The following TRPM1 variants were observed in gnomAD, a reference collection of about 807,000 sequenced individuals.
The protein encoded by TRPM1 is TRPM1-203 APA Isoform, Intron 10.
TRPM1 carries 113 observed loss-of-function variants against 149.4 expected under a neutral mutation model. The ratio of observed to expected loss-of-function variants is 0.76; its 90% confidence interval spans 0.65 to 0.88. The LOEUF (loss-of-function observed/expected upper bound fraction) is 0.88, where lower values mean the gene tolerates loss of function less well. Among genes scored for constraint, TRPM1 ranks in the 40% least tolerant of loss-of-function variants. TRPM1 has a pLI of 0.00. For synonymous variants in TRPM1, 741 were observed against 759.5 expected (o/e 0.98, Z 0.40); for missense variants, 1,976 against 2,038.7 (o/e 0.97, Z 0.59).
chr15:31,067,610 G>A (rs1448096405), intron 5 of TRPM1, among the ~76,000 whole-genome samples: 1 of 152,160 alleles, frequency 6.6e-6, no homozygotes, highest in African/African-American at 2.4e-5. Flanking sequence ...GATGATGCTT[G>A]TACAGGGCTC....
chr15:31,034,793 C>A (rs558204543), intron 21 of TRPM1, among the ~76,000 whole-genome samples: 1 of 152,218 alleles, frequency 6.6e-6, no homozygotes, highest in Non-Finnish European at 1.5e-5. Context: ...TGCCCAGTTG[C>A]GGTAATTGGT....
intron 1 of TRPM1, among the ~76,000 whole-genome samples, chr15:31,111,504 T>C (rs1033334520): frequency 6.6e-6 from 1 of 152,222 alleles, no homozygotes; most frequent in African/African-American, 2.4e-5. Flanking sequence ...AGAAGAAATG[T>C]GGGCAGGAAT....
intron 4 of TRPM1, chr15:31,069,504 C>T (rs556864040): frequency 6.4e-6 from 7 of 1,099,564 alleles, no homozygotes; most frequent in African/African-American, 1.6e-5. Flanking sequence ...TGAGCTGGAA[C>T]GGATCACAGA....
chr15:31,092,563 C>T (rs2035268050), intron 1 of TRPM1, among the ~76,000 whole-genome samples: 1 of 152,200 alleles, frequency 6.6e-6, no homozygotes, highest in African/African-American at 2.4e-5. Flanking sequence ...TTTGAGCCTT[C>T]CCCTTTCAGG....
rs1167547225 is a variant in TRPM1, at chr15:31,072,002, TATATATATATATATATAG to T, written c.84-1794_84-1777del. 1.1e-3 allele frequency among the ~76,000 whole-genome samples: 72 copies of T among 67,946 alleles called. 1 individual carries two copies. Among genetic ancestry groups the T allele is most frequent in the East Asian group, 2.8e-3 (5 of 1,792 alleles). 44.6% of individuals were successfully genotyped at this position (67,946 alleles called of 152,430 possible). ...AAACATATATATATATATATATATA[TATATATATATATATATAG>T]AGAGAGAGAGAGAGAGAGAGAGAGA... On this transcript the variant is annotated intron_variant, in intron 3 of 27. Coordinates refer to ENST00000256552, the MANE Select transcript of TRPM1 (RefSeq NM_001252024.2).
At chr15:31,088,329 C>T (rs1422254635) in intron 1 of TRPM1, among the ~76,000 whole-genome samples, 2 of 152,216 alleles carry the variant, frequency 1.3e-5, no homozygotes, top group African/African-American at 4.8e-5. Flanking sequence ...CCGCTCGGGT[C>T]TCCTTATTGG....
chr15:31,041,064 A>C (rs1185148623), intron 17 of TRPM1, among the ~76,000 whole-genome samples: 4 of 152,162 alleles, frequency 2.6e-5, no homozygotes, highest in Non-Finnish European at 5.9e-5. Flanking sequence ...AGAAGGTGGC[A>C]CAAGCTGAAT....
At chr15:31,080,741 TCA>T (rs1377670675) in intron 2 of TRPM1, among the ~76,000 whole-genome samples, 1 of 133,024 alleles carries the variant, frequency 7.5e-6, no homozygotes, top group Non-Finnish European at 1.6e-5. Flanking sequence ...CCGCTCCCTC[TCA>T]TAGTCCCGCC....
At chr15:31,089,613 C>G (rs984960876) in intron 1 of TRPM1, among the ~76,000 whole-genome samples, 1 of 152,112 alleles carries the variant, frequency 6.6e-6, no homozygotes, top group African/African-American at 2.4e-5. Flanking sequence ...GTCACTGGCT[C>G]GGGAGAGTTT....
intron 1 of TRPM1, among the ~76,000 whole-genome samples, chr15:31,150,276 C>T (rs1281485746): frequency 6.6e-6 from 1 of 152,172 alleles, no homozygotes; most frequent in African/African-American, 2.4e-5. Context: ...TAACGGAGGA[C>T]TCTGTGATCC....
intron 17 of TRPM1, 77 bp downstream of exon 17, chr15:31,041,874 T>C: frequency 6.6e-7 from 1 of 1,510,306 alleles, no homozygotes. Flanking sequence ...AGAAGTACAT[T>C]GGCCACCCCT....
chr15:31,051,908 T>A (rs763702355), intron 11 of TRPM1, among the ~76,000 whole-genome samples: 29 of 152,182 alleles, frequency 1.9e-4, no homozygotes, highest in Non-Finnish European at 4.1e-4. Context: ...TACCACAGCT[T>A]GCAAGTTGTG....
intron 19 of TRPM1, 67 bp downstream of exon 19, chr15:31,037,977 C>T (rs749426838): frequency 3.4e-5 from 55 of 1,611,726 alleles, no homozygotes; most frequent in Non-Finnish European, 4.5e-5. Flanking sequence ...ATCTGTGGTA[C>T]AAGAAATCTC....
chr15:31,123,187 A>G (rs926216065), intron 1 of TRPM1, among the ~76,000 whole-genome samples: 1 of 152,250 alleles, frequency 6.6e-6, no homozygotes, highest in Non-Finnish European at 1.5e-5. Flanking sequence ...ACAAAAATTA[A>G]AGTGGCTCAC....
chr15:31,012,190 T>C (rs2032210999), intron 27 of TRPM1, among the ~76,000 whole-genome samples: 3 of 152,238 alleles, frequency 2.0e-5, no homozygotes, highest in African/African-American at 7.2e-5. Flanking sequence ...TTTACCTATG[T>C]AGTTAAATTT....
chr15:31,113,248 G>A lies in TRPM1; in HGVS notation c.55-36264C>T, dbSNP rs200589282. ...CCCAGCCAAATCAACAAGAAAGGGA[G>A]GGCTCCACAGGACAGGACCCCTGAT... On this transcript the variant is annotated intron_variant, in intron 1 of 26. Coordinates refer to the TRPM1 transcript ENST00000542188. 1.4e-4 allele frequency among the ~76,000 whole-genome samples: 21 copies of A among 152,260 alleles called. No individual in the cohort carries two copies. The East Asian group carries it at 2.7e-3, about 20-fold the overall frequency.
At chr15:31,041,622 C>T (rs2033620737) in intron 17 of TRPM1, among the ~76,000 whole-genome samples, 1 of 152,164 alleles carries the variant, frequency 6.6e-6, no homozygotes, top group Admixed American at 6.5e-5. Context: ...AGGGCACAGG[C>T]TCATTAATGT....
intron 1 of TRPM1, among the ~76,000 whole-genome samples, chr15:31,118,974 T>C (rs1008490606): frequency 6.6e-6 from 1 of 152,134 alleles, no homozygotes; most frequent in Non-Finnish European, 1.5e-5. Context: ...GCGCAGTGGT[T>C]CATGCCTGTA....
intron 11 of TRPM1, among the ~76,000 whole-genome samples, chr15:31,051,147 C>T (rs1379058349): frequency 6.6e-6 from 1 of 152,148 alleles, no homozygotes; most frequent in Non-Finnish European, 1.5e-5. Flanking sequence ...CAGACTCATT[C>T]ATCAAGGGGA....
Sources: allele counts gnomAD v4.1 joint callset (sites outside exome capture counted in the v4.1 genomes callset), GRCh38; gene constraint gnomAD v4.1.1; transcripts MANE v1.5; gene names NCBI Gene and HGNC (gene_info 2026-07-23, HGNC 2026-07-21).